DNAJB12: variants seen among roughly 807,000 people sequenced by gnomAD.
DNAJB12 encodes dnaJ homolog subfamily B member 12.
A neutral mutation model predicts 40.6 loss-of-function variants in DNAJB12; 14 were observed. The ratio of observed to expected loss-of-function variants is 0.34; its 90% CI spans 0.23 to 0.54. The LOEUF (loss-of-function observed/expected upper bound fraction) is 0.54. Among genes scored for constraint, DNAJB12 ranks in the 20% least tolerant of loss-of-function variants. The pLI, the probability that DNAJB12 is intolerant of heterozygous loss-of-function variation, is 0.92. For missense variants in DNAJB12, 444 were observed against 501.7 expected (o/e 0.89, Z 1.10); for synonymous variants, 181 against 199.5 (o/e 0.91, Z 0.78).
At chr10:72,351,970 C>T (rs1269127494) in intron 1 of DNAJB12, among the ~76,000 whole-genome samples, 1 of 152,224 alleles carries the variant, frequency 6.6e-6, no homozygotes, top group Admixed American at 6.5e-5. Flanking sequence ...TGATTCTCCT[C>T]TGCACCTCTC....
At chr10:72,336,028 C>A in intron 7 of DNAJB12, 97 bp from the exon 8 acceptor site, 1 of 1,504,190 alleles carries the variant, frequency 6.6e-7, no homozygotes, top group South Asian at 1.2e-5. Context: ...AAAGCTGGTA[C>A]ATGCCCGGGG....
At chr10:72,337,580 A>G (rs1861512585) in intron 6 of DNAJB12, among the ~76,000 whole-genome samples, 1 of 152,240 alleles carries the variant, frequency 6.6e-6, no homozygotes, top group African/African-American at 2.4e-5. Context: ...CAGACATTTT[A>G]TATGCATTAC....
intron 1 of DNAJB12, among the ~76,000 whole-genome samples, chr10:72,353,014 T>C (rs1392079430): frequency 6.6e-6 from 1 of 152,246 alleles, no homozygotes; most frequent in Non-Finnish European, 1.5e-5. Flanking sequence ...GGGCTGCAGA[T>C]GGTAAAGTTT....
chr10:72,344,249 C>T (rs1451690134), intron 2 of DNAJB12, among the ~76,000 whole-genome samples: 1 of 152,240 alleles, frequency 6.6e-6, no homozygotes, highest in East Asian at 1.9e-4. Context: ...CTACAATGGA[C>T]CTTGCCGACT....
intron 1 of DNAJB12, among the ~76,000 whole-genome samples, chr10:72,346,071 T>C (rs1589130869): frequency 6.6e-6 from 1 of 152,208 alleles, no homozygotes; most frequent in East Asian, 1.9e-4. Context: ...TCTTAATAAA[T>C]TTAGGCAGAA....
rs577799001 is a variant in DNAJB12, at chr10:72,335,789, G to C, written c.*21C>G. ...CAGCCCTGGCTCATACTTGGACCTC[G>C]GTGGTGTGGCTGGCCCAGGACTATC... On this transcript the variant is annotated 3_prime_UTR_variant, in exon 8 of 9. Coordinates refer to ENST00000444643, the MANE Select transcript of DNAJB12 (RefSeq NM_017626.7). This position sits in a 1 kb window ranked among gnomAD's most constrained non-coding sequence, Gnocchi z 4.4. 6.2e-7 allele frequency: 1 copy of C among 1,613,336 alleles called. No homozygotes were observed. The highest frequency in any genetic ancestry group is 8.5e-7 in the Non-Finnish European group (1 of 1,179,568).
intron 3 of DNAJB12, 124 bp from the exon 4 acceptor site, chr10:72,341,294 G>A (rs1046388873): frequency 1.1e-6 from 1 of 932,838 alleles, no homozygotes; most frequent in African/African-American, 1.7e-5. Context: ...ACGTCCTTGG[G>A]GTGGGCAGGA....
At position 72,354,782 on chromosome 10, in the gene DNAJB12, G is replaced by C. The variant is rs768549245; in HGVS notation, c.116C>G (p.Pro39Arg). The C allele has an allele frequency of 1.2e-6, 2 of 1,612,950 alleles. No homozygotes were observed. Among genetic ancestry groups the C allele is most frequent in the Non-Finnish European group, 1.7e-6 (2 of 1,179,518 alleles). Residue 39 changes from proline (P) to arginine (R), a missense_variant, in exon 1 of 9, where the codon CCG (proline) becomes CGG (arginine). Transcript: ENST00000444643. The stretch of plus-strand genomic sequence containing the variant: ...ACACTCACCGCGAACTCGCGGCGTC[G>C]GATACAGCCGCTGTGCCTTCTCCAG... ...RFLEKAQRLYPTPRVRALIES... is the reference protein window; with the variant it reads ...RFLEKAQRLYRTPRVRALIES...
intron 1 of DNAJB12, chr10:72,353,353 T>C (rs1861980972): frequency 6.6e-6 from 1 of 152,244 alleles, no homozygotes; most frequent in South Asian, 2.1e-4. Context: ...TCAGGTGTCC[T>C]GGCAAATACA....
At chr10:72,340,407 T>A (rs545825175) in intron 5 of DNAJB12, among the ~76,000 whole-genome samples, 3 of 151,986 alleles carry the variant, frequency 2.0e-5, no homozygotes, top group African/African-American at 7.2e-5. Flanking sequence ...ATGAAAAAAA[T>A]GAAAAATAAA....
chr10:72,335,757 G>A lies in DNAJB12; in HGVS notation c.*30+23C>T. ...GGCCAAAGCTGCCAGGAGTTGCAGGGTGGAGGCAGCCCTGGCTCATACTTG... is the reference window on the plus strand; with the variant it reads ...GGCCAAAGCTGCCAGGAGTTGCAGGATGGAGGCAGCCCTGGCTCATACTTG... On this transcript the variant is annotated intron_variant, in intron 8 of 8. Coordinates refer to ENST00000444643, the MANE Select transcript of DNAJB12 (RefSeq NM_017626.7). The surrounding 1 kb of genome is among the most constrained non-coding windows in gnomAD (Gnocchi z 4.4). 1 of 1,606,978 alleles carries A rather than the reference G, an allele frequency of 6.2e-7. No homozygotes were observed. Among genetic ancestry groups the A allele is most frequent in the Non-Finnish European group, 8.5e-7 (1 of 1,175,696 alleles).
chr10:72,343,640 T>C (rs1861704824), intron 2 of DNAJB12, 129 bp from the exon 3 acceptor site: 1 of 971,082 alleles, frequency 1.0e-6, no homozygotes, highest in Non-Finnish European at 1.6e-6. Flanking sequence ...GGCTGACAGC[T>C]CCTTGGGTCA....
chr10:72,341,435 G>C (rs1015331468), intron 3 of DNAJB12, among the ~76,000 whole-genome samples: 2 of 152,130 alleles, frequency 1.3e-5, no homozygotes, highest in Non-Finnish European at 2.9e-5. Context: ...AATGTGCCAG[G>C]CCTCCTAGGA....
In DNAJB12 at chr10:72,335,582, C is replaced by T. The variant is rs1390506654; in HGVS notation, c.*30+198G>A. On this transcript the variant is annotated intron_variant, in intron 8 of 8. Coordinates refer to ENST00000444643, the MANE Select transcript of DNAJB12 (RefSeq NM_017626.7). This position sits in a 1 kb window ranked among gnomAD's most constrained non-coding sequence, Gnocchi z 4.4. Reference sequence around the variant, plus strand: ...AGCGGAGGAGTGGGGAGGACAGCATCGCTAGAGGGCGGAAACCGACCTTGG... The same window carrying T: ...AGCGGAGGAGTGGGGAGGACAGCATTGCTAGAGGGCGGAAACCGACCTTGG... 4 of 1,367,250 alleles carry T rather than the reference C, an allele frequency of 2.9e-6. No homozygotes were observed. Among genetic ancestry groups the T allele is most frequent in the Non-Finnish European group, 2.8e-6 (3 of 1,057,332 alleles). 84.7% of individuals were successfully genotyped at this position (1,367,250 alleles called of 1,614,324 possible).
rs905858079 is a variant in DNAJB12 at position 72,335,180 on chromosome 10, G to A, written c.*31-563C>T. On this transcript the variant is annotated intron_variant, in intron 8 of 8. Transcript: ENST00000444643. The surrounding 1 kb of genome is among the most constrained non-coding windows in gnomAD (Gnocchi z 4.4). ...AGAGAGTGCCTCAGATCCCACCAGA[G>A]GGGGGTGGTCAGGGCCCGCGGCCCC... The A allele has an allele frequency of 7.1e-6, 7 of 987,476 alleles. No homozygotes were observed. The highest frequency in any genetic ancestry group is 1.7e-5 in the African/African-American group (1 of 57,276). 61.2% of individuals were successfully genotyped at this position (987,476 alleles called of 1,614,324 possible).
rs1441213139 is a variant in DNAJB12 at position 72,340,878 on chromosome 10, A to G, written c.644-10T>C. On this transcript the variant is annotated splice_polypyrimidine_tract_variant and intron_variant, in intron 4 of 8. Transcript: ENST00000444643. The stretch of plus-strand genomic sequence containing the variant: ...TAGACGTGGACGTTACCTGGGGGTC[A>G]GAGGGGCTGAGTCAGGAGCCAGGTC... 1 of 1,613,750 alleles carries G rather than the reference A, an allele frequency of 6.2e-7. No homozygotes were observed. The highest frequency in any genetic ancestry group is 2.2e-5 in the East Asian group (1 of 44,870).
chr10:72,334,380 G>T lies in DNAJB12; in HGVS notation c.*268C>A, dbSNP rs1007274814. 53 of 630,508 alleles carry T rather than the reference G, an allele frequency of 8.4e-5. No homozygotes were observed. The highest frequency in any genetic ancestry group is 1.3e-4 in the Non-Finnish European group (49 of 364,036). The allele number at this position is 630,508 out of a possible 1,614,324, so 39.1% of individuals were successfully genotyped here. ...TCGTTGCCATGGTTTCTGTATCCTA[G>T]GAGAGAGGCGATGCGGAGCCTCCGC... On this transcript the variant is annotated 3_prime_UTR_variant, in exon 9 of 9. Coordinates refer to ENST00000444643, the MANE Select transcript of DNAJB12 (RefSeq NM_017626.7).
At chr10:72,341,207 T>TG in intron 3 of DNAJB12, 37 bp from the exon 4 acceptor site, 2 of 1,581,774 alleles carry the variant, frequency 1.3e-6, no homozygotes, top group South Asian at 1.1e-5. Context: ...CTGAGGATCC[T>TG]GGGGTGCGGG....
In DNAJB12 at chr10:72,334,632, G is replaced by A; in HGVS notation, c.*31-15C>T. 1 of 1,528,198 alleles carries A rather than the reference G, an allele frequency of 6.5e-7. No homozygotes were observed. Among genetic ancestry groups the A allele is most frequent in the Non-Finnish European group, 8.7e-7 (1 of 1,144,532 alleles). 94.7% of individuals were successfully genotyped at this position (1,528,198 alleles called of 1,614,324 possible). ...GATTTCATAGTCTGGGGAGGAGAGT[G>A]GCAACAGTTAGCTCGGCATTCAGGC... On this transcript the variant is annotated splice_polypyrimidine_tract_variant and intron_variant, in intron 8 of 8. Coordinates refer to ENST00000444643, the MANE Select transcript of DNAJB12 (RefSeq NM_017626.7).
Sources: allele counts gnomAD v4.1 joint callset (sites outside exome capture counted in the v4.1 genomes callset), GRCh38; gene constraint gnomAD v4.1.1; non-coding constraint Gnocchi (gnomAD v3.1); transcripts MANE v1.5; gene names NCBI Gene and HGNC (gene_info 2026-07-23, HGNC 2026-07-21).